Variants in TMCO4 observed in about 807,000 individuals in gnomAD.
The protein encoded by TMCO4 is transmembrane and coiled-coil domain-containing protein 4.
Under a neutral mutation model 64.7 loss-of-function variants are expected in TMCO4, and 58 were observed. The observed-to-expected ratio is 0.90, with a 90% confidence interval of 0.73 to 1.12. The LOEUF is 1.12. Among genes scored for constraint, TMCO4 ranks in the 50% most tolerant of loss-of-function variants. The probability of loss-of-function intolerance (pLI) is 0.00; values close to 1 mark genes in which losing one functional copy is unlikely to be tolerated. For synonymous variants in TMCO4, 325 were observed against 346.1 expected, an observed-to-expected ratio of 0.94 and a Z score of 0.68; for missense variants, 780 against 825.9, an observed-to-expected ratio of 0.94 and a Z score of 0.68.
At chr1:19,796,868 T>C (rs1018327359) in intron 2 of TMCO4, among the ~76,000 whole-genome samples, 1 of 152,218 alleles carries the variant, frequency 6.6e-6, no homozygotes, top group Non-Finnish European at 1.5e-5. Flanking sequence ...CCACCACGCC[T>C]GGCCTGTGAT....
chr1:19,744,004 C>T (rs2041652220), intron 10 of TMCO4, among the ~76,000 whole-genome samples: 1 of 152,250 alleles, frequency 6.6e-6, no homozygotes, highest in Admixed American at 6.5e-5. Context: ...GGCGGTCACA[C>T]ACCAATAAGA....
chr1:19,724,234 G>T (rs1393307565), intron 13 of TMCO4, among the ~76,000 whole-genome samples: 1 of 152,192 alleles, frequency 6.6e-6, no homozygotes, highest in Non-Finnish European at 1.5e-5. Flanking sequence ...AATCCATTTG[G>T]ATAAACTAAT....
chr1:19,714,341 T>C (rs992672684), intron 13 of TMCO4, among the ~76,000 whole-genome samples: 1 of 152,242 alleles, frequency 6.6e-6, no homozygotes, highest in Admixed American at 6.5e-5. Flanking sequence ...TTTGATTTAT[T>C]TTCAGATCTC....
At chr1:19,716,381 C>CTTTTTTTTTTTTTTTTTTT (rs1262772167) in intron 13 of TMCO4, among the ~76,000 whole-genome samples, 2 of 124,470 alleles carry the variant, frequency 1.6e-5, no homozygotes, top group Non-Finnish European at 3.4e-5. Flanking sequence ...TTTTTTCTTT[C>CTTTTTTTTTTTTTTTTTTT]TTTTTTTTTT....
intron 2 of TMCO4, among the ~76,000 whole-genome samples, chr1:19,796,749 AT>A (rs1301117007): frequency 1.3e-5 from 2 of 151,708 alleles, no homozygotes; most frequent in African/African-American, 4.8e-5. Context: ...TAATTTTTGC[AT>A]TTTTAGTAGA....
At chr1:19,718,851 C>T (rs764138434) in intron 13 of TMCO4, among the ~76,000 whole-genome samples, 6 of 151,984 alleles carry the variant, frequency 3.9e-5, no homozygotes, top group African/African-American at 9.7e-5. Flanking sequence ...AAATTTCTGC[C>T]GAGGAATGCG....
intron 13 of TMCO4, among the ~76,000 whole-genome samples, chr1:19,718,294 C>G (rs534356755): frequency 6.6e-6 from 1 of 151,932 alleles, no homozygotes; most frequent in Non-Finnish European, 1.5e-5. Context: ...AAGATCACAC[C>G]ACTGCACTCC....
chr1:19,716,094 A>G (rs972826430), intron 13 of TMCO4, among the ~76,000 whole-genome samples: 9 of 152,040 alleles, frequency 5.9e-5, no homozygotes, highest in African/African-American at 1.9e-4. Context: ...AGGCGGGAGG[A>G]TTGTTTGAGC....
chr1:19,727,056 G>C (rs1209755971), intron 13 of TMCO4, among the ~76,000 whole-genome samples: 1 of 152,156 alleles, frequency 6.6e-6, no homozygotes, highest in African/African-American at 2.4e-5. Context: ...TAGAGCTGGT[G>C]GGTTCAGCCC....
intron 7 of TMCO4, among the ~76,000 whole-genome samples, chr1:19,748,823 CGAATGAATGAGT>C (rs1285668071): frequency 0.048 from 4,484 of 93,490 alleles, 92 homozygotes; most frequent in Middle Eastern, 0.11. Context: ...GACCCTGTCT[CGAATGAATGAGT>C]GAATGAATGA....
intron 6 of TMCO4, among the ~76,000 whole-genome samples, chr1:19,763,125 G>A (rs1242276267): frequency 1.3e-5 from 2 of 151,638 alleles, no homozygotes; most frequent in South Asian, 4.2e-4. Flanking sequence ...ACCCAGGCTG[G>A]AGTGCAGTGG....
At chr1:19,727,929 T>C (rs1479422563) in intron 13 of TMCO4, among the ~76,000 whole-genome samples, 2 of 152,202 alleles carry the variant, frequency 1.3e-5, no homozygotes, top group Non-Finnish European at 2.9e-5. Context: ...CCGGAAGCCA[T>C]TATCCTTAGC....
At chr1:19,797,840 G>T (rs1160398338) in intron 2 of TMCO4, among the ~76,000 whole-genome samples, 1 of 145,194 alleles carries the variant, frequency 6.9e-6, no homozygotes, top group Non-Finnish European at 1.5e-5. Context: ...CTCCAGCCTG[G>T]GTGACAGAGT....
intron 13 of TMCO4, among the ~76,000 whole-genome samples, chr1:19,720,472 C>T (rs1304769946): frequency 6.6e-6 from 1 of 152,098 alleles, no homozygotes; most frequent in Admixed American, 6.6e-5. Flanking sequence ...TGCTCCAGGC[C>T]TGCCTCCCTT....
intron 6 of TMCO4, among the ~76,000 whole-genome samples, chr1:19,766,333 T>A (rs2042735560): frequency 2.0e-5 from 3 of 152,130 alleles, no homozygotes; most frequent in African/African-American, 7.2e-5. Flanking sequence ...CCTTACAAGA[T>A]CCTTGTAAGG....
intron 2 of TMCO4, among the ~76,000 whole-genome samples, chr1:19,797,614 T>G (rs925224604): frequency 7.2e-5 from 11 of 152,150 alleles, no homozygotes; most frequent in Middle Eastern, 3.4e-3. Context: ...CTCACGCCTG[T>G]AATCCCAGTA....
rs2095446888 is a variant in TMCO4 at position 19,734,903 on chromosome 1, TG to T, written c.1264+2468del. Among the ~76,000 whole-genome samples, 1 of 152,116 alleles carries T rather than the reference TG, an allele frequency of 6.6e-6. No individual in the cohort carries two copies. The highest frequency in any genetic ancestry group is 2.4e-5 in the African/African-American group (1 of 41,424). ...CTGTGGCTGCAGTGAGGGAGGAATG[TG>T]ATCACACTTGCAAGTGCTTGGAACA... On this transcript the variant is annotated intron_variant, in intron 13 of 15. Transcript: ENST00000294543. The surrounding 1 kb of genome is among the most constrained non-coding windows in gnomAD (Gnocchi z 4.4).
intron 3 of TMCO4, among the ~76,000 whole-genome samples, chr1:19,786,416 G>A (rs1341856970): frequency 6.6e-6 from 1 of 152,226 alleles, no homozygotes; most frequent in Admixed American, 6.5e-5. Context: ...GCTGCGACCT[G>A]AACAAGGAGT....
chr1:19,755,841 T>C, intron 6 of TMCO4, 75 bp from the exon 7 acceptor site: 1 of 1,571,450 alleles, frequency 6.4e-7, no homozygotes, highest in Non-Finnish European at 8.7e-7. Context: ...GTGTAACTGA[T>C]AAAACCCACA....
Sources: allele counts gnomAD v4.1 joint callset (sites outside exome capture counted in the v4.1 genomes callset), GRCh38; gene constraint gnomAD v4.1.1; non-coding constraint Gnocchi (gnomAD v3.1); transcripts MANE v1.5; gene names NCBI Gene and HGNC (gene_info 2026-07-23, HGNC 2026-07-21).